Variants in HDC observed in about 807,000 individuals in gnomAD.
HDC encodes histidine decarboxylase.
A neutral mutation model predicts 64.4 loss-of-function variants in HDC; 27 were observed. That is an observed-to-expected ratio of 0.42 (90% CI 0.31 to 0.58). The LOEUF is 0.58. Ranked by LOEUF, HDC falls within the 20% of genes least tolerant of loss-of-function variation. The pLI is 0.16. For synonymous variants in HDC, 305 were observed against 314.2 expected (o/e 0.97, Z 0.31); for missense variants, 711 against 833.9 (o/e 0.85, Z 1.81).
At chr15:50,244,285 CTTTTTTTTTT>C (rs554623599) in intron 10 of HDC, among the ~76,000 whole-genome samples, 7 of 105,180 alleles carry the variant, frequency 6.7e-5, no homozygotes, top group Non-Finnish European at 9.8e-5. Flanking sequence ...AGCTGAACCT[CTTTTTTTTTT>C]TTTTTTTTTT....
At chr15:50,262,755 C>T (rs1213535790) in intron 2 of HDC, among the ~76,000 whole-genome samples, 1 of 152,208 alleles carries the variant, frequency 6.6e-6, no homozygotes, top group Non-Finnish European at 1.5e-5. Context: ...CCAGCGTGTC[C>T]TTGCCAGGAT....
intron 9 of HDC, among the ~76,000 whole-genome samples, chr15:50,251,894 G>C (rs2045561091): frequency 6.6e-6 from 1 of 152,088 alleles, no homozygotes; most frequent in Admixed American, 6.5e-5. Flanking sequence ...GAGTGAGTTA[G>C]AGAGTTGAGG....
intron 2 of HDC, among the ~76,000 whole-genome samples, chr15:50,263,004 C>G (rs565713960): frequency 6.6e-6 from 1 of 152,166 alleles, no homozygotes; most frequent in Non-Finnish European, 1.5e-5. Context: ...GCCCTGGCAT[C>G]AGAAACCTCA....
In HDC at chr15:50,248,924, C is replaced by T. The variant is rs994211896; in HGVS notation, c.1042-581G>A. Among the ~76,000 whole-genome samples, 23 of 152,124 alleles carry T rather than the reference C, an allele frequency of 1.5e-4. No individual in the cohort carries two copies. Among genetic ancestry groups the T allele is most frequent in the East Asian group, 1.9e-4 (1 of 5,198 alleles). On this transcript the variant is annotated intron_variant, in intron 9 of 11. Coordinates refer to ENST00000267845, the MANE Select transcript of HDC (RefSeq NM_002112.4). This position sits in a 1 kb window ranked among gnomAD's most constrained non-coding sequence, Gnocchi z 4.3. Reference sequence around the variant, plus strand: ...GGGCAAGTGGTGTGAGGACAAAGAACGCCAAGAGCCTCAGAAGAAGTTGTC... The same window carrying T: ...GGGCAAGTGGTGTGAGGACAAAGAATGCCAAGAGCCTCAGAAGAAGTTGTC...
chr15:50,248,443 GA>G lies in HDC; in HGVS notation c.1042-101del. On this transcript the variant is annotated intron_variant, in intron 9 of 11. Transcript: ENST00000267845. This position sits in a 1 kb window ranked among gnomAD's most constrained non-coding sequence, Gnocchi z 4.3. The stretch of plus-strand genomic sequence containing the variant: ...TCTGTTGCCTGCCCAGCCCTCCAGG[GA>G]TGGACGATGTCACCATGACTCTGGG... 1 of 786,902 alleles carries G rather than the reference GA, an allele frequency of 1.3e-6. No individual in the cohort carries two copies. The highest frequency in any genetic ancestry group is 1.4e-5 in the South Asian group (1 of 69,910). The allele number at this position is 786,902 out of a possible 1,614,324, so 48.7% of individuals were successfully genotyped here. A position where few individuals can be genotyped will look rare whatever the true frequency, so the allele number is the denominator to read the frequency against.
chr15:50,262,122 G>A (rs1310709280), intron 2 of HDC, among the ~76,000 whole-genome samples: 1 of 152,056 alleles, frequency 6.6e-6, no homozygotes, highest in African/African-American at 2.4e-5. Context: ...CCCCAAGCAG[G>A]GAGAGGGAAG....
chr15:50,265,532 C>A (rs74012304), intron 1 of HDC, 61 bp downstream of exon 1: 1 of 1,517,236 alleles, frequency 6.6e-7, no homozygotes. Flanking sequence ...GGGCCACCCA[C>A]CAGCAGCCGT....
intron 10 of HDC, chr15:50,244,968 G>C (rs2045458793): frequency 6.6e-6 from 1 of 152,232 alleles, no homozygotes; most frequent in Admixed American, 6.5e-5. Context: ...CCAAGGGAAA[G>C]TGACTTTCCC....
intron 1 of HDC, among the ~76,000 whole-genome samples, chr15:50,265,287 A>G (rs578206979): frequency 1.3e-5 from 2 of 152,272 alleles, no homozygotes; most frequent in East Asian, 3.9e-4. Flanking sequence ...CCCTTTTCCC[A>G]TCTAGTGGCT....
intron 9 of HDC, among the ~76,000 whole-genome samples, chr15:50,252,195 T>C (rs1205866642): frequency 6.6e-6 from 1 of 152,230 alleles, no homozygotes; most frequent in African/African-American, 2.4e-5. Context: ...TCAGGAAATG[T>C]GCACACTGCC....
At chr15:50,252,295 T>A in intron 9 of HDC, 135 bp downstream of exon 9, 1 of 701,108 alleles carries the variant, frequency 1.4e-6, no homozygotes, top group South Asian at 1.5e-5. Flanking sequence ...AAGGTATGCA[T>A]TGGCAGTATT....
At chr15:50,261,902 T>C (rs1217636701) in intron 2 of HDC, among the ~76,000 whole-genome samples, 1 of 151,868 alleles carries the variant, frequency 6.6e-6, no homozygotes, top group African/African-American at 2.4e-5. Context: ...AGAGACGGGG[T>C]TTCTCCATGT....
intron 9 of HDC, among the ~76,000 whole-genome samples, chr15:50,249,113 A>G (rs2045520737): frequency 6.6e-6 from 1 of 152,228 alleles, no homozygotes; most frequent in Non-Finnish European, 1.5e-5. Context: ...TCAGATTTCA[A>G]ATGAGCACCC....
At chr15:50,257,205 G>A (rs1054961518) in intron 4 of HDC, among the ~76,000 whole-genome samples, 1 of 152,186 alleles carries the variant, frequency 6.6e-6, no homozygotes, top group Non-Finnish European at 1.5e-5. Flanking sequence ...TCATGTGTTG[G>A]CTCTTTAATT....
rs567134706 is a variant in HDC at position 50,253,504 on chromosome 15, A to C, written c.787+96T>G. ...GTCTCTGCATTGACCAAAGAGGAAC[A>C]AGAATAATCCCATAGAGCTGGTTTC... On this transcript the variant is annotated intron_variant, in intron 7 of 11. Coordinates refer to ENST00000267845, the MANE Select transcript of HDC (RefSeq NM_002112.4). 4.3e-5 allele frequency: 48 copies of C among 1,118,688 alleles called. No homozygotes were observed. In the African/African-American group the frequency reaches 7.0e-4, roughly 16 times the overall value. The allele number at this position is 1,118,688 out of a possible 1,614,324, so 69.3% of individuals were successfully genotyped here. A position where few individuals can be genotyped will look rare whatever the true frequency, so the allele number is the denominator to read the frequency against.
intron 10 of HDC, among the ~76,000 whole-genome samples, chr15:50,246,691 A>ACT (rs145208630): frequency 8.9e-4 from 136 of 152,314 alleles, no homozygotes; most frequent in African/African-American, 3.0e-3. Context: ...TTTGATTTGC[A>ACT]AACAGAAGTG....
In HDC at chr15:50,254,517, T is replaced by G; in HGVS notation, c.576+13A>C. 2 of 1,614,190 alleles carry G rather than the reference T, an allele frequency of 1.2e-6. No individual in the cohort carries two copies. ...CACCAACCCGAAGGGCTGTCCTGCGTCGGGCAACTCACCTGGTCAGAGGCA... is the reference window on the plus strand; with the variant it reads ...CACCAACCCGAAGGGCTGTCCTGCGGCGGGCAACTCACCTGGTCAGAGGCA... On this transcript the variant is annotated intron_variant, in intron 5 of 11. Coordinates refer to ENST00000267845, the MANE Select transcript of HDC (RefSeq NM_002112.4).
At chr15:50,247,414 AT>A (rs1256207376) in intron 10 of HDC, among the ~76,000 whole-genome samples, 1 of 152,198 alleles carries the variant, frequency 6.6e-6, no homozygotes, top group Non-Finnish European at 1.5e-5. Flanking sequence ...GTTAAAAAAA[AT>A]CATAGTTACC....
Position 50,254,213 on chromosome 15 carries a change from C to G in HDC, c.637G>C (p.Val213Leu). Residue 213 changes from valine to leucine, a missense_variant, in exon 6 of 12, where the codon GTG becomes CTG. Physicochemically the swap from Val to Leu is conservative, Grantham distance 32. Coordinates refer to ENST00000267845, the MANE Select transcript of HDC (RefSeq NM_002112.4). ...CCTCGGAGTGAGAAGTTGTCATCCA[C>G]AGGCAGAAATTTCATCTTCACAAGG... ...ISLVKMKFLP[V>L]DDNFSLRGEA... 6.2e-7 allele frequency: 1 copy of G among 1,614,186 alleles called. No homozygotes were observed. The highest frequency in any genetic ancestry group is 8.5e-7 in the Non-Finnish European group (1 of 1,180,022).
Sources: allele counts gnomAD v4.1 joint callset (sites outside exome capture counted in the v4.1 genomes callset), GRCh38; gene constraint gnomAD v4.1.1; non-coding constraint Gnocchi (gnomAD v3.1); transcripts MANE v1.5; gene names NCBI Gene and HGNC (gene_info 2026-07-23, HGNC 2026-07-21).